ACP3: variants seen among roughly 807,000 people sequenced by gnomAD.
ACP3 encodes prostatic acid phosphatase.
Under a neutral mutation model 45.6 loss-of-function variants are expected in ACP3, and 38 were observed. The ratio of observed to expected loss-of-function variants is 0.83; its 90% CI spans 0.64 to 1.09. ACP3 has a LOEUF of 1.09. Among genes scored for constraint, ACP3 ranks in the 50% least tolerant of loss-of-function variants. The probability of loss-of-function intolerance (pLI) is 0.00; values close to 1 mark genes in which losing one functional copy is unlikely to be tolerated. For missense variants in ACP3, 466 were observed against 463.2 expected (o/e 1.01, Z -0.05); for synonymous variants, 162 against 164.7 (o/e 0.98, Z 0.13).
intron 1 of ACP3, among the ~76,000 whole-genome samples, chr3:132,322,830 C>G (rs1361041567): frequency 6.6e-6 from 1 of 152,226 alleles, no homozygotes; most frequent in African/African-American, 2.4e-5. Flanking sequence ...GCCATGGGGG[C>G]TCTACTCTCC....
At chr3:132,328,953 T>G (rs1937352575) in intron 2 of ACP3, among the ~76,000 whole-genome samples, 1 of 152,242 alleles carries the variant, frequency 6.6e-6, no homozygotes, top group African/African-American at 2.4e-5. Flanking sequence ...TTCCCCAAAG[T>G]GCTGATATCA....
rs749030532 is a variant in ACP3 at position 132,332,348 on chromosome 3, A to G, written c.456+4A>G. On this transcript the variant is annotated splice_donor_region_variant and intron_variant, in intron 4 of 9. Transcript: ENST00000336375. ...AGTTCCTCTTTCTGAAGATCAGGTCAGTATACTGGGAAAACCAGGAGATTT... is the reference window on the plus strand; with the variant it reads ...AGTTCCTCTTTCTGAAGATCAGGTCGGTATACTGGGAAAACCAGGAGATTT... The G allele has an allele frequency of 6.2e-7, 1 of 1,614,112 alleles. No homozygotes were observed. Among genetic ancestry groups the G allele is most frequent in the Non-Finnish European group, 8.5e-7 (1 of 1,179,982 alleles).
intron 1 of ACP3, among the ~76,000 whole-genome samples, chr3:132,327,278 G>T (rs1201332359): frequency 1.3e-5 from 2 of 152,198 alleles, no homozygotes; most frequent in Non-Finnish European, 2.9e-5. Flanking sequence ...CACTTTGGGA[G>T]GCCAAGGCAG....
At chr3:132,337,278 G>T in intron 4 of ACP3, 178 bp from the exon 5 acceptor site, 1 of 460,482 alleles carries the variant, frequency 2.2e-6, no homozygotes, top group Non-Finnish European at 3.9e-6. Context: ...ACTATTTTAA[G>T]ACCTATAGAT....
At chr3:132,334,540 G>C (rs1364880170) in intron 4 of ACP3, among the ~76,000 whole-genome samples, 1 of 152,204 alleles carries the variant, frequency 6.6e-6, no homozygotes, top group Non-Finnish European at 1.5e-5. Context: ...CAGAGAATGA[G>C]ACTTACGTGC....
chr3:132,328,719 C>T (rs914625758), intron 2 of ACP3, among the ~76,000 whole-genome samples: 11 of 146,230 alleles, frequency 7.5e-5, no homozygotes, highest in African/African-American at 2.7e-4. Flanking sequence ...TGATGAGTCT[C>T]AAGGGGAAAT....
chr3:132,342,055 C>A (rs1316649081), intron 5 of ACP3, among the ~76,000 whole-genome samples: 2 of 152,182 alleles, frequency 1.3e-5, no homozygotes. Flanking sequence ...ATGCTTTGGC[C>A]TGAAATATGC....
intron 1 of ACP3, among the ~76,000 whole-genome samples, chr3:132,318,203 T>C (rs1237808430): frequency 6.6e-6 from 1 of 152,202 alleles, no homozygotes; most frequent in African/African-American, 2.4e-5. Context: ...TTGACATTGT[T>C]TGAAAATAGA....
intron 10 of ACP3, among the ~76,000 whole-genome samples, chr3:132,364,005 T>C (rs892079448): frequency 6.6e-6 from 1 of 151,990 alleles, no homozygotes; most frequent in Admixed American, 6.6e-5. Context: ...TATGTAATAA[T>C]TGCTGATGAC....
Position 132,358,417 on chromosome 3 carries a change from G to T in ACP3, c.*1539G>T. ...TCAGAAAACCTAAGCAAACTTACAG[G>T]TCCTGCTGAAACTGCCCACTCTGCA... On this transcript the variant is annotated 3_prime_UTR_variant, in exon 10 of 10. Coordinates refer to ENST00000336375, the MANE Select transcript of ACP3 (RefSeq NM_001099.5). 7.9e-7 allele frequency: 1 copy of T among 1,267,878 alleles called. No individual in the cohort carries two copies. Among genetic ancestry groups the T allele is most frequent in the South Asian group, 1.3e-5 (1 of 76,382 alleles). 78.5% of individuals were successfully genotyped at this position (1,267,878 alleles called of 1,614,324 possible). A position where few individuals can be genotyped will look rare whatever the true frequency, so the allele number is the denominator to read the frequency against.
chr3:132,328,655 G>C (rs1304283905), intron 2 of ACP3, among the ~76,000 whole-genome samples: 2 of 141,072 alleles, frequency 1.4e-5, no homozygotes, highest in African/African-American at 5.2e-5. Context: ...CTCCAGCCTG[G>C]GCAACAAGAG....
At chr3:132,356,321 AAAG>A (rs1475511343) in intron 9 of ACP3, among the ~76,000 whole-genome samples, 1 of 152,096 alleles carries the variant, frequency 6.6e-6, no homozygotes, top group East Asian at 1.9e-4. Context: ...AGAAGCCTAA[AAAG>A]AAGGGAGGAG....
At chr3:132,336,430 G>A (rs1008661169) in intron 4 of ACP3, among the ~76,000 whole-genome samples, 1 of 152,136 alleles carries the variant, frequency 6.6e-6, no homozygotes, top group Non-Finnish European at 1.5e-5. Context: ...AAAAAAAGCG[G>A]TCTATTTTGA....
At chr3:132,348,513 G>A (rs1937644164) in intron 7 of ACP3, among the ~76,000 whole-genome samples, 1 of 152,074 alleles carries the variant, frequency 6.6e-6, no homozygotes, top group Non-Finnish European at 1.5e-5. Context: ...CCAGAACCAA[G>A]AACTGATATA....
chr3:132,332,484 G>A, intron 4 of ACP3, 140 bp downstream of exon 4: 1 of 984,736 alleles, frequency 1.0e-6, no homozygotes, highest in Non-Finnish European at 1.5e-6. Context: ...AGATACAAAG[G>A]ACAATTTAGG....
rs1197772264 is a variant in ACP3, at chr3:132,332,268, A to G, written c.380A>G (p.Glu127Gly). ...MTNLAALFPP[E>G]GVSIWNPILL... ...AACCTGGCAGCCCTGTTTCCCCCAGAAGGTGTCAGCATCTGGAATCCTATC... is the reference window on the plus strand; with the variant it reads ...AACCTGGCAGCCCTGTTTCCCCCAGGAGGTGTCAGCATCTGGAATCCTATC... The change falls in exon 4 of 10, where the codon GAA becomes GGA. Residue 127 changes from glutamate to glycine, a missense_variant. Glu to Gly is a moderately conservative substitution (Grantham distance 98). Transcript: ENST00000336375. 6.2e-7 allele frequency: 1 copy of G among 1,614,008 alleles called. No homozygotes were observed. Among genetic ancestry groups the G allele is most frequent in the Non-Finnish European group, 8.5e-7 (1 of 1,180,016 alleles).
chr3:132,319,155 A>G (rs1329427349), intron 1 of ACP3, among the ~76,000 whole-genome samples: 1 of 152,216 alleles, frequency 6.6e-6, no homozygotes, highest in Non-Finnish European at 1.5e-5. Flanking sequence ...ATGAAGGGCC[A>G]TTTAATACAT....
Position 132,317,432 on chromosome 3 carries a change from C to T in ACP3, c.-25C>T, listed in dbSNP as rs1397285709. The stretch of plus-strand genomic sequence containing the variant: ...GAAGTGGTAGCAGTTCCTCCTAACT[C>T]CTGCCAGAAACAGCTCTCCTCAACA... On this transcript the variant is annotated 5_prime_UTR_variant, in exon 1 of 10. Coordinates refer to ENST00000336375, the MANE Select transcript of ACP3 (RefSeq NM_001099.5). 1 of 1,606,076 alleles carries T rather than the reference C, an allele frequency of 6.2e-7. No homozygotes were observed. Among genetic ancestry groups the T allele is most frequent in the Non-Finnish European group, 8.5e-7 (1 of 1,177,296 alleles).
At chr3:132,336,417 A>AT (rs1464471795) in intron 4 of ACP3, among the ~76,000 whole-genome samples, 1 of 152,206 alleles carries the variant, frequency 6.6e-6, no homozygotes, top group African/African-American at 2.4e-5. Flanking sequence ...GACTATGAAG[A>AT]TAAAAAAAAG....
Sources: gnomAD v4.1 joint callset for allele counts (sites outside exome capture counted in the v4.1 genomes callset) on GRCh38, gnomAD v4.1.1 for gene constraint, MANE v1.5 for transcripts, NCBI Gene and HGNC (gene_info 2026-07-23, HGNC 2026-07-21) for gene names.